Variants in SGCZ observed in about 807,000 individuals in gnomAD.
The protein encoded by SGCZ is sarcoglycan zeta, also known as zeta-sarcoglycan.
In SGCZ, 40 loss-of-function variants were observed where a neutral mutation model predicts 41.3. That is an observed-to-expected ratio of 0.97 (90% CI 0.75 to 1.26). SGCZ has a LOEUF of 1.26. Among genes scored for constraint, SGCZ ranks in the 50% most tolerant of loss-of-function variants. SGCZ has a pLI of 0.00. For synonymous variants in SGCZ, 206 were observed against 137.5 expected, an observed-to-expected ratio of 1.50 and a Z score of -3.49; for missense variants, 552 against 369.8, an observed-to-expected ratio of 1.49 and a Z score of -4.04.
intron 1 of SGCZ, among the ~76,000 whole-genome samples, chr8:14,572,217 A>T (rs1209142999): frequency 3.3e-5 from 5 of 152,176 alleles, no homozygotes; most frequent in Non-Finnish European, 7.4e-5. Context: ...TGCCAAGCTT[A>T]TCTTTTTTTA....
At position 14,629,513 on chromosome 8, in the gene SGCZ, A is replaced by G. The variant is rs564574939; in HGVS notation, c.40-74587T>C. The stretch of plus-strand genomic sequence containing the variant: ...TAGTGGTCTAGATTCTGTGAGGGAT[A>G]TAAAAAGTGCATAAGATATCGGGAA... On this transcript the variant is annotated intron_variant, in intron 1 of 7. Coordinates refer to ENST00000382080, the MANE Select transcript of SGCZ (RefSeq NM_139167.4). Among the ~76,000 whole-genome samples the G allele has an allele frequency of 3.9e-5, 6 of 151,934 alleles. 1 individual carries two copies. Among genetic ancestry groups the G allele is most frequent in the Admixed American group, 3.9e-4 (6 of 15,254 alleles).
intron 1 of SGCZ, among the ~76,000 whole-genome samples, chr8:15,002,349 C>T (rs539868851): frequency 3.3e-5 from 5 of 152,130 alleles, no homozygotes; most frequent in East Asian, 3.9e-4. Context: ...ACAGATTGCA[C>T]GGTTGGTGCC....
At chr8:14,094,914 G>C (rs1012006214) in intron 7 of SGCZ, among the ~76,000 whole-genome samples, 6 of 152,022 alleles carry the variant, frequency 3.9e-5, no homozygotes, top group African/African-American at 1.4e-4. Flanking sequence ...TCATGTGTTT[G>C]TTGGCTGCAT....
chr8:15,223,460 G>A (rs1021995794), intron 1 of SGCZ, among the ~76,000 whole-genome samples: 4 of 152,170 alleles, frequency 2.6e-5, no homozygotes, highest in African/African-American at 9.7e-5. Context: ...CTAGAAATAT[G>A]TAGTAAATCA....
chr8:14,550,656 G>T (rs1043910463), intron 2 of SGCZ, among the ~76,000 whole-genome samples: 1 of 151,904 alleles, frequency 6.6e-6, no homozygotes, highest in Non-Finnish European at 1.5e-5. Context: ...GATCACAGGA[G>T]CATCTCCTGT....
chr8:14,857,211 G>T (rs531651275), intron 1 of SGCZ, among the ~76,000 whole-genome samples: 3 of 152,124 alleles, frequency 2.0e-5, no homozygotes, highest in South Asian at 4.1e-4. Flanking sequence ...AGTTTCCTGA[G>T]GCCTGCTCAG....
At chr8:14,713,628 G>T (rs1377775274) in intron 1 of SGCZ, among the ~76,000 whole-genome samples, 1 of 147,454 alleles carries the variant, frequency 6.8e-6, no homozygotes, top group Non-Finnish European at 1.5e-5. Flanking sequence ...AAATAGAATT[G>T]ATCAGGAAAT....
At chr8:14,114,562 A>G (rs938782079) in intron 5 of SGCZ, among the ~76,000 whole-genome samples, 14 of 152,010 alleles carry the variant, frequency 9.2e-5, no homozygotes, top group Non-Finnish European at 1.6e-4. Context: ...AAAATATTTG[A>G]AAGCCTTTAC....
intron 1 of SGCZ, among the ~76,000 whole-genome samples, chr8:14,863,727 G>A (rs1803831234): frequency 1.3e-5 from 2 of 152,166 alleles, no homozygotes; most frequent in Non-Finnish European, 2.9e-5. Flanking sequence ...GATAAAAGCA[G>A]AGGGAGCTGC....
intron 2 of SGCZ, among the ~76,000 whole-genome samples, chr8:14,445,951 A>T (rs960464680): frequency 6.6e-6 from 1 of 152,132 alleles, no homozygotes; most frequent in Middle Eastern, 3.2e-3. Flanking sequence ...TGGATCCTGG[A>T]GTGGCTGGCC....
chr8:14,154,608 T>G (rs1273403320), intron 5 of SGCZ, among the ~76,000 whole-genome samples: 1 of 152,208 alleles, frequency 6.6e-6, no homozygotes, highest in African/African-American at 2.4e-5. Flanking sequence ...TTTTAAAAAT[T>G]GTTGTATATT....
intron 2 of SGCZ, among the ~76,000 whole-genome samples, chr8:14,530,428 A>G (rs890656454): frequency 2.6e-5 from 4 of 152,070 alleles, no homozygotes; most frequent in Non-Finnish European, 5.9e-5. Context: ...TTTTTATTTG[A>G]TAATACTTTC....
At chr8:15,099,850 T>C (rs940602943) in intron 1 of SGCZ, among the ~76,000 whole-genome samples, 2 of 151,642 alleles carry the variant, frequency 1.3e-5, no homozygotes. Flanking sequence ...AGAGGAAAAA[T>C]TACATGATCA....
At chr8:14,477,806 T>C (rs1801404518) in intron 2 of SGCZ, among the ~76,000 whole-genome samples, 1 of 152,200 alleles carries the variant, frequency 6.6e-6, no homozygotes, top group Non-Finnish European at 1.5e-5. Flanking sequence ...CCTTAGATGA[T>C]AAAATAATTT....
intron 1 of SGCZ, among the ~76,000 whole-genome samples, chr8:14,795,730 C>G (rs1801101236): frequency 6.6e-6 from 1 of 152,038 alleles, no homozygotes; most frequent in Non-Finnish European, 1.5e-5. Flanking sequence ...CATAGGTAAA[C>G]TTGTCTCATG....
intron 1 of SGCZ, among the ~76,000 whole-genome samples, chr8:15,163,737 T>C (rs1198694791): frequency 1.3e-5 from 2 of 152,242 alleles, no homozygotes; most frequent in Non-Finnish European, 2.9e-5. Flanking sequence ...AATATTTCTT[T>C]ATTATTTACA....
intron 1 of SGCZ, among the ~76,000 whole-genome samples, chr8:14,821,808 C>T (rs1350162660): frequency 1.3e-5 from 2 of 151,840 alleles, no homozygotes; most frequent in Non-Finnish European, 2.9e-5. Context: ...GTATAAATGG[C>T]AAATAACACA....
chr8:15,027,257 T>A (rs147068665), intron 1 of SGCZ, among the ~76,000 whole-genome samples: 1 of 152,136 alleles, frequency 6.6e-6, no homozygotes, highest in African/African-American at 2.4e-5. Context: ...TAAACAAACA[T>A]ATTCACTTCT....
Position 14,526,197 on chromosome 8 carries a change from A to G in SGCZ, c.234+28535T>C, listed in dbSNP as rs146798029. Among the ~76,000 whole-genome samples the G allele has an allele frequency of 3.9e-5, 6 of 152,250 alleles. No homozygotes were observed. In the South Asian group the frequency reaches 8.3e-4, roughly 21 times the overall value. On this transcript the variant is annotated intron_variant, in intron 2 of 7. Coordinates refer to ENST00000382080, the MANE Select transcript of SGCZ (RefSeq NM_139167.4). The stretch of plus-strand genomic sequence containing the variant: ...CCATAATTTCTCATGCCTGAAGCCA[A>G]TATTACATAAGTGTAATATTTGACA...
Sources: allele counts gnomAD v4.1 joint callset (sites outside exome capture counted in the v4.1 genomes callset), GRCh38; gene constraint gnomAD v4.1.1; transcripts MANE v1.5; gene names NCBI Gene and HGNC (gene_info 2026-07-23, HGNC 2026-07-21).